CRB1: variants seen among roughly 807,000 people sequenced by gnomAD.
The protein encoded by CRB1 is protein crumbs homolog 1.
In CRB1, 83 loss-of-function variants were observed where a neutral mutation model predicts 120.0. That is an observed-to-expected ratio of 0.69 (90% CI 0.58 to 0.83). CRB1 has a LOEUF of 0.83. CRB1 is among the 40% of genes least tolerant of loss of function. The pLI is 0.00. For missense variants in CRB1, 1,699 were observed against 1,687.6 expected (o/e 1.01, Z -0.12); for synonymous variants, 625 against 612.5 (o/e 1.02, Z -0.30).
intron 5 of CRB1, among the ~76,000 whole-genome samples, chr1:197,397,394 AT>A (rs960715187): frequency 2.0e-5 from 3 of 152,084 alleles, no homozygotes; most frequent in African/African-American, 4.8e-5. Flanking sequence ...ACAGTTGGGC[AT>A]TTTTTTCTTA....
intron 6 of CRB1, 29 bp from the exon 7 acceptor site, chr1:197,427,425 T>TCTC: frequency 6.2e-7 from 1 of 1,606,536 alleles, no homozygotes; most frequent in Non-Finnish European, 8.5e-7. Flanking sequence ...TCTTTTTTTT[T>TCTC]CTCCTCCTCC....
In CRB1 at chr1:197,328,404, C is replaced by CT. The variant is rs772914182; in HGVS notation, c.71-13dup. On this transcript the variant is annotated splice_polypyrimidine_tract_variant and intron_variant, in intron 1 of 11. Transcript: ENST00000367400. ...CTCATTTATAAATTTAATCTTGTTA[C>CT]TTTTTATTTCCTTGTAGATTCCTTT... The CT allele has an allele frequency of 6.0e-5, 94 of 1,575,488 alleles. No homozygotes were observed. Among genetic ancestry groups the CT allele is most frequent in the Non-Finnish European group, 7.2e-5 (82 of 1,146,028 alleles).
chr1:197,238,004 AATACTT>A, the CRB1 span, among the ~76,000 whole-genome samples: 1 of 152,132 alleles, frequency 6.6e-6, no homozygotes, highest in African/African-American at 2.4e-5. Context: ...TCCTCTCAGC[AATACTT>A]TCACTGTGTT....
At chr1:197,269,295 A>C (rs1558019380) in intron 1 of CRB1, among the ~76,000 whole-genome samples, 1 of 152,206 alleles carries the variant, frequency 6.6e-6, no homozygotes, top group East Asian at 1.9e-4. Context: ...TGAACAAGAC[A>C]ACTTGGCATT....
chr1:197,353,813 A>AT (rs1660249796), intron 4 of CRB1, among the ~76,000 whole-genome samples: 7 of 97,288 alleles, frequency 7.2e-5, no homozygotes, highest in African/African-American at 5.3e-5. Flanking sequence ...AAATATATAA[A>AT]TAAAAAAAAA....
At chr1:197,205,250 G>A in the CRB1 span, among the ~76,000 whole-genome samples, 8 of 152,006 alleles carry the variant, frequency 5.3e-5, no homozygotes, top group Admixed American at 3.3e-4. Context: ...TTTATTTCTC[G>A]TCTGATTGTT....
At chr1:197,218,089 T>A in the CRB1 span, among the ~76,000 whole-genome samples, 1 of 152,120 alleles carries the variant, frequency 6.6e-6, no homozygotes. Context: ...ATGAAAAAAA[T>A]TAAAAATTGT....
rs200472313 is a variant in CRB1, at chr1:197,400,304, C to CTTTT, written c.1172-20678_1172-20675dup. On this transcript the variant is annotated intron_variant, in intron 5 of 11. Transcript: ENST00000367400. ...GGGTCAGAGATTTTGAATGTAAGAG[C>CTTTT]TTTTTTTTTTTTTTTTTTTTTAAAA... Among the ~76,000 whole-genome samples, 152 of 127,050 alleles carry CTTTT rather than the reference C, an allele frequency of 1.2e-3. 1 individual carries two copies. In the East Asian group the frequency reaches 0.017, roughly 14 times the overall value. 83.3% of individuals were successfully genotyped at this position (127,050 alleles called of 152,430 possible).
At chr1:197,420,248 A>G (rs1664230589) in intron 5 of CRB1, among the ~76,000 whole-genome samples, 1 of 152,224 alleles carries the variant, frequency 6.6e-6, no homozygotes, top group South Asian at 2.1e-4. Flanking sequence ...TGGAAAAGCA[A>G]CAGCCACGCT....
intron 5 of CRB1, among the ~76,000 whole-genome samples, chr1:197,374,226 C>G (rs1279687328): frequency 6.6e-6 from 1 of 152,096 alleles, no homozygotes; most frequent in African/African-American, 2.4e-5. Flanking sequence ...TAGTTGTTCT[C>G]ATTAGGGGTT....
At chr1:197,306,697 G>A (rs1657193474) in intron 1 of CRB1, among the ~76,000 whole-genome samples, 1 of 152,178 alleles carries the variant, frequency 6.6e-6, no homozygotes, top group African/African-American at 2.4e-5. Flanking sequence ...GTCCTTTGCT[G>A]AAAATTCACT....
intron 8 of CRB1, among the ~76,000 whole-genome samples, chr1:197,433,032 T>G (rs1257727421): frequency 6.6e-6 from 1 of 151,672 alleles, no homozygotes; most frequent in East Asian, 1.9e-4. Flanking sequence ...GATGCTTTTT[T>G]TTTTAACATG....
At chr1:197,348,563 G>A (rs1257971221) in intron 4 of CRB1, among the ~76,000 whole-genome samples, 5 of 152,004 alleles carry the variant, frequency 3.3e-5, no homozygotes, top group African/African-American at 1.2e-4. Context: ...TATAAGCTCC[G>A]CCTCCCGGGT....
the CRB1 span, chr1:197,222,943 A>G: frequency 3.3e-6 from 3 of 911,920 alleles, no homozygotes; most frequent in East Asian, 4.8e-5. Context: ...ACGCTCTGCA[A>G]GAGTTTGCAG....
the CRB1 span, among the ~76,000 whole-genome samples, chr1:197,231,683 A>G: frequency 1.3e-5 from 2 of 152,178 alleles, no homozygotes; most frequent in Non-Finnish European, 2.9e-5. Flanking sequence ...TGGGCATGCT[A>G]AAGTGGATAT....
intron 6 of CRB1, among the ~76,000 whole-genome samples, chr1:197,426,632 T>C (rs1184001253): frequency 6.6e-6 from 1 of 152,180 alleles, no homozygotes; most frequent in Non-Finnish European, 1.5e-5. Flanking sequence ...TGAGCATCAC[T>C]AACTCCTCTG....
At chr1:197,204,008 A>T in the CRB1 span, among the ~76,000 whole-genome samples, 1 of 151,748 alleles carries the variant, frequency 6.6e-6, no homozygotes, top group Non-Finnish European at 1.5e-5. Context: ...TTGCATCCTC[A>T]TAGTTTAGCT....
At chr1:197,305,960 A>C (rs138008885) in intron 1 of CRB1, among the ~76,000 whole-genome samples, 18 of 152,182 alleles carry the variant, frequency 1.2e-4, no homozygotes, top group African/African-American at 4.3e-4. Flanking sequence ...ATCAGTCTCA[A>C]TTCTGGGAAT....
At chr1:197,218,802 A>G in the CRB1 span, among the ~76,000 whole-genome samples, 1 of 152,202 alleles carries the variant, frequency 6.6e-6, no homozygotes, top group Non-Finnish European at 1.5e-5. Flanking sequence ...GAGAGGAGGG[A>G]TGTGTAGTAG....
Sources: gnomAD v4.1 joint callset for allele counts (sites outside exome capture counted in the v4.1 genomes callset) on GRCh38, gnomAD v4.1.1 for gene constraint, MANE v1.5 for transcripts, NCBI Gene and HGNC (gene_info 2026-07-23, HGNC 2026-07-21) for gene names.